TMEM178A: variants seen among roughly 807,000 people sequenced by gnomAD.
TMEM178A encodes transmembrane protein 178.
Under a neutral mutation model 29.1 loss-of-function variants are expected in TMEM178A, and 12 were observed. The observed-to-expected ratio is 0.41, with a 90% CI of 0.26 to 0.67. The LOEUF is 0.67. TMEM178A is among the 30% of genes least tolerant of loss of function. TMEM178A has a pLI of 0.29. For missense variants in TMEM178A, 366 were observed against 419.1 expected (o/e 0.87, Z 1.11); for synonymous variants, 210 against 187.2 (o/e 1.12, Z -0.99).
At chr2:39,694,945 C>A (rs1312319407) in intron 1 of TMEM178A, among the ~76,000 whole-genome samples, 8 of 152,136 alleles carry the variant, frequency 5.3e-5, no homozygotes, top group Non-Finnish European at 1.2e-4. Context: ...ACTGGTTTAG[C>A]CATTTGAGGC....
At chr2:39,695,731 G>C (rs1429009800) in intron 1 of TMEM178A, among the ~76,000 whole-genome samples, 2 of 151,954 alleles carry the variant, frequency 1.3e-5, no homozygotes, top group African/African-American at 4.8e-5. Flanking sequence ...ATTCGATTCA[G>C]GGGGAACCCA....
intron 1 of TMEM178A, 105 bp from the exon 2 acceptor site, chr2:39,703,976 C>G: frequency 1.3e-6 from 1 of 759,394 alleles, no homozygotes; most frequent in Non-Finnish European, 2.2e-6. Flanking sequence ...GATTCTTATC[C>G]CATCTCCCAT....
At chr2:39,706,138 TAC>T (rs1364712116) in intron 2 of TMEM178A, among the ~76,000 whole-genome samples, 2 of 152,218 alleles carry the variant, frequency 1.3e-5, no homozygotes, top group Non-Finnish European at 2.9e-5. Flanking sequence ...TGTGTCCAGG[TAC>T]ACGTAGTCAG....
chr2:39,707,578 T>C (rs1366407372), intron 3 of TMEM178A, among the ~76,000 whole-genome samples: 2 of 152,196 alleles, frequency 1.3e-5, no homozygotes, highest in Non-Finnish European at 1.5e-5. Context: ...TTCAAGTGAT[T>C]CTCCTGCCTC....
intron 1 of TMEM178A, among the ~76,000 whole-genome samples, chr2:39,698,554 G>C (rs1160047030): frequency 1.3e-5 from 2 of 152,170 alleles, no homozygotes; most frequent in African/African-American, 2.4e-5. Flanking sequence ...GCTGAATTCA[G>C]TTTGCTAATA....
chr2:39,707,314 C>T, intron 3 of TMEM178A, 128 bp downstream of exon 3: 1 of 1,188,900 alleles, frequency 8.4e-7, no homozygotes. Flanking sequence ...ACCAGAAGGT[C>T]ATTTTGGCTT....
intron 1 of TMEM178A, among the ~76,000 whole-genome samples, chr2:39,671,315 A>G (rs562148553): frequency 3.3e-5 from 5 of 152,246 alleles, no homozygotes; most frequent in African/African-American, 9.6e-5. Context: ...TCTACCTGAC[A>G]CAGAAATAGA....
At chr2:39,687,841 T>C (rs1282747977) in intron 1 of TMEM178A, among the ~76,000 whole-genome samples, 3 of 152,250 alleles carry the variant, frequency 2.0e-5, no homozygotes, top group Non-Finnish European at 4.4e-5. Context: ...TCAGATGTAG[T>C]CATAGTGATT....
chr2:39,671,899 C>T (rs986355677), intron 1 of TMEM178A, among the ~76,000 whole-genome samples: 5 of 152,268 alleles, frequency 3.3e-5, no homozygotes, highest in East Asian at 1.9e-4. Context: ...TATCCCAGTG[C>T]GCTCTTATAT....
At chr2:39,725,767 T>C in the TMEM178A span, among the ~76,000 whole-genome samples, 1 of 152,230 alleles carries the variant, frequency 6.6e-6, no homozygotes, top group African/African-American at 2.4e-5. Flanking sequence ...TTTTCTTTTA[T>C]TGTTCTCAGG....
intron 1 of TMEM178A, among the ~76,000 whole-genome samples, chr2:39,671,770 C>T (rs1572645308): frequency 1.3e-5 from 2 of 152,256 alleles, no homozygotes; most frequent in South Asian, 4.1e-4. Context: ...ATTTCATGTG[C>T]ACCCCTGGCA....
intron 1 of TMEM178A, among the ~76,000 whole-genome samples, chr2:39,674,733 A>C (rs1413478561): frequency 6.6e-6 from 1 of 152,254 alleles, no homozygotes; most frequent in Non-Finnish European, 1.5e-5. Context: ...AAAAAGACAC[A>C]AAGGAACTGT....
At chr2:39,670,139 C>T (rs1670350472) in intron 1 of TMEM178A, among the ~76,000 whole-genome samples, 1 of 152,144 alleles carries the variant, frequency 6.6e-6, no homozygotes, top group African/African-American at 2.4e-5. Flanking sequence ...ACAAAATGGA[C>T]TTAAAGCTTA....
intron 1 of TMEM178A, among the ~76,000 whole-genome samples, chr2:39,682,143 A>T (rs1572657895): frequency 1.3e-5 from 2 of 152,212 alleles, no homozygotes; most frequent in Non-Finnish European, 2.9e-5. Flanking sequence ...TGAGTTTTCC[A>T]AATAGCTAAA....
chr2:39,727,179 AT>A, the TMEM178A span, among the ~76,000 whole-genome samples: 2 of 152,176 alleles, frequency 1.3e-5, no homozygotes, highest in African/African-American at 4.8e-5. Flanking sequence ...TCTGGCTGGT[AT>A]CCTCTTGCTC....
the TMEM178A span, among the ~76,000 whole-genome samples, chr2:39,732,744 C>T: frequency 6.6e-6 from 1 of 152,186 alleles, no homozygotes; most frequent in Non-Finnish European, 1.5e-5. Flanking sequence ...ACCATCAGAT[C>T]TCCTGGGTCT....
intron 1 of TMEM178A, among the ~76,000 whole-genome samples, chr2:39,670,104 G>C (rs371168453): frequency 2.0e-5 from 3 of 152,174 alleles, no homozygotes; most frequent in African/African-American, 7.2e-5. Flanking sequence ...CCTTCACCCA[G>C]CGATTTGAGT....
At chr2:39,698,816 A>G (rs1671663417) in intron 1 of TMEM178A, among the ~76,000 whole-genome samples, 1 of 152,010 alleles carries the variant, frequency 6.6e-6, no homozygotes, top group African/African-American at 2.4e-5. Context: ...AGTTTTTACT[A>G]AGTTAATTAC....
At chr2:39,680,807 A>G (rs1670836570) in intron 1 of TMEM178A, among the ~76,000 whole-genome samples, 1 of 152,198 alleles carries the variant, frequency 6.6e-6, no homozygotes, top group Non-Finnish European at 1.5e-5. Flanking sequence ...TCTTTGCTTC[A>G]TGAGAGTATT....
Sources: gnomAD v4.1 joint callset for allele counts (sites outside exome capture counted in the v4.1 genomes callset) on GRCh38, gnomAD v4.1.1 for gene constraint, MANE v1.5 for transcripts, NCBI Gene and HGNC (gene_info 2026-07-23, HGNC 2026-07-21) for gene names.